COL4A5: variants seen among roughly 807,000 people sequenced by gnomAD.
The protein encoded by COL4A5 is collagen alpha-5(IV) chain.
COL4A5 carries 26 observed loss-of-function variants against 130.2 expected under a neutral mutation model. The observed-to-expected ratio is 0.20, with a 90% CI of 0.15 to 0.28. COL4A5 has a LOEUF of 0.28. Among genes scored for constraint, COL4A5 ranks in the 10% least tolerant of loss-of-function variants. COL4A5 has a pLI of 1.00. For synonymous variants in COL4A5, 496 were observed against 439.6 expected, an observed-to-expected ratio of 1.13 and a Z score of -1.60; for missense variants, 1,131 against 1,344.3, an observed-to-expected ratio of 0.84 and a Z score of 2.48.
Position 108,439,892 on chromosome X carries a change from A to G in COL4A5, c.-234A>G. 1 of 412,892 alleles carries G rather than the reference A, an allele frequency of 2.4e-6. No individual in the cohort carries two copies. The highest frequency in any genetic ancestry group is 4.2e-6 in the Non-Finnish European group (1 of 237,278). 34.0% of individuals were successfully genotyped at this position (412,892 alleles called of 1,213,427 possible). A position where few individuals can be genotyped will look rare whatever the true frequency, so the allele number is the denominator to read the frequency against. The stretch of plus-strand genomic sequence containing the variant: ...TTTGCAAGTCTGGACAGAAGGGAAA[A>G]GTTCTCCTGAGAGACCGGCTTTGGG... On this transcript the variant is annotated 5_prime_UTR_variant, in exon 1 of 53. Transcript: ENST00000328300.
Position 108,444,379 on chromosome X carries a change from C to T in COL4A5, c.81+4173C>T, listed in dbSNP as rs140046417. On this transcript the variant is annotated intron_variant, in intron 1 of 52. Transcript: ENST00000328300. ...GGACTACAGGTGCCAGCCACCATGC[C>T]GGGCTAATTTTTTGCATTTTTAGTA... Among the ~76,000 whole-genome samples the T allele has an allele frequency of 3.9e-3, 436 of 110,527 alleles. 4 individuals carry two copies. The highest frequency in any genetic ancestry group is 0.013 in the African/African-American group (403 of 30,430).
In COL4A5 at chrX:108,597,419, A is replaced by G. The variant is rs1342133917; in HGVS notation, c.1630A>G (p.Lys544Glu). The change falls in exon 24 of 53, where the codon AAA (lysine) becomes GAA (glutamate). Residue 544 changes from lysine to glutamate, a missense_variant. Coordinates refer to ENST00000328300, the MANE Select transcript of COL4A5 (RefSeq NM_033380.3). Reference protein sequence around the residue: ...APGAPGFPGSKGEPGDILTFP... With the variant: ...APGAPGFPGSEGEPGDILTFP... ...AGGTGCTCCAGGCTTTCCTGGATCT[A>G]AAGGTGAACCTGGTGATATCCTCAC... 3 of 1,208,370 alleles carry G rather than the reference A, an allele frequency of 2.5e-6. No individual in the cohort carries two copies. Among genetic ancestry groups the G allele is most frequent in the African/African-American group, 3.5e-5 (2 of 56,706 alleles).
At chrX:108,545,157 A>G (rs1318787988) in intron 2 of COL4A5, among the ~76,000 whole-genome samples, 1 of 111,154 alleles carries the variant, frequency 9.0e-6, no homozygotes, top group Admixed American at 9.6e-5. Context: ...CTAGCTTTTG[A>G]ATGTGTTTGC....
At chrX:108,533,800 A>G (rs1180872014) in intron 1 of COL4A5, among the ~76,000 whole-genome samples, 1 of 111,356 alleles carries the variant, frequency 9.0e-6, no homozygotes, top group African/African-American at 3.3e-5. Flanking sequence ...GGGGACTAAT[A>G]TTGAGAATAC....
At chrX:108,646,588 G>T (rs1026071702) in intron 36 of COL4A5, among the ~76,000 whole-genome samples, 8 of 111,511 alleles carry the variant, frequency 7.2e-5, no homozygotes, top group African/African-American at 2.3e-4. Context: ...AGTTTAATTA[G>T]ATCCCATTTG....
rs2068575627 is a variant in COL4A5 at position 108,687,678 on chromosome X, C to T, written c.4512C>T (p.Ala1504=). ...SLLYVQGNKR[A]HGQDLGTAGS... is the part of the protein sequence containing the mutation. Reference sequence around the variant, plus strand: ...TGTATGTACAAGGAAATAAAAGAGCCCACGGTCAAGACTTGGGTGAGATAA... The same window carrying T: ...TGTATGTACAAGGAAATAAAAGAGCTCACGGTCAAGACTTGGGTGAGATAA... Residue 1504 remains alanine, a synonymous_variant, in exon 49 of 53, where the codon GCC becomes GCT. Transcript: ENST00000328300. The T allele has an allele frequency of 8.3e-7, 1 of 1,208,428 alleles. No homozygotes were observed. Among genetic ancestry groups the T allele is most frequent in the African/African-American group, 1.7e-5 (1 of 57,615 alleles).
intron 1 of COL4A5, among the ~76,000 whole-genome samples, chrX:108,452,440 A>T (rs758004790): frequency 8.9e-6 from 1 of 112,026 alleles, no homozygotes; most frequent in East Asian, 2.8e-4. Flanking sequence ...CACGATATTG[A>T]TTCTTCCTAC....
intron 1 of COL4A5, among the ~76,000 whole-genome samples, chrX:108,484,953 T>C (rs1161029000): frequency 8.9e-6 from 1 of 111,867 alleles, no homozygotes; most frequent in Non-Finnish European, 1.9e-5. Context: ...GAATTAAAAA[T>C]CTTTGCACTC....
chrX:108,654,083 AT>A (rs1368277659), intron 36 of COL4A5, among the ~76,000 whole-genome samples: 1 of 112,516 alleles, frequency 8.9e-6, no homozygotes, highest in Non-Finnish European at 1.9e-5. Flanking sequence ...TCAGTAGGTG[AT>A]GTTGAACACT....
rs771535061 is a variant in COL4A5, at chrX:108,615,012, A to G, written c.2497A>G (p.Ile833Val). ...AGGACCACCAGGGATTCCTGGGCCAATAGGTCAACCTGGTAAGATTAGAGT... is the reference window on the plus strand; with the variant it reads ...AGGACCACCAGGGATTCCTGGGCCAGTAGGTCAACCTGGTAAGATTAGAGT... ...PPGPPGIPGP[I>V]GQPGLHGIPG... The change falls in exon 30 of 53, where the codon ATA (isoleucine) becomes GTA (valine). Residue 833 changes from isoleucine to valine, a missense_variant. Coordinates refer to ENST00000328300, the MANE Select transcript of COL4A5 (RefSeq NM_033380.3). The G allele has an allele frequency of 2.5e-5, 30 of 1,192,734 alleles. No individual in the cohort carries two copies. Among genetic ancestry groups the G allele is most frequent in the Non-Finnish European group, 3.4e-5 (30 of 878,171 alleles).
intron 1 of COL4A5, among the ~76,000 whole-genome samples, chrX:108,466,012 A>G (rs777624143): frequency 8.9e-5 from 10 of 111,914 alleles, no homozygotes; most frequent in African/African-American, 3.2e-4. Context: ...GAAATAATAC[A>G]TTATGTGACA....
At chrX:108,572,828 A>G (rs1292731218) in intron 8 of COL4A5, among the ~76,000 whole-genome samples, 2 of 111,881 alleles carry the variant, frequency 1.8e-5, no homozygotes, top group Non-Finnish European at 3.8e-5. Flanking sequence ...TCTAAGGTAA[A>G]GTCCATAGTT....
intron 1 of COL4A5, among the ~76,000 whole-genome samples, chrX:108,484,608 A>C (rs982885959): frequency 6.2e-5 from 7 of 112,469 alleles, no homozygotes; most frequent in Non-Finnish European, 1.3e-4. Flanking sequence ...TCTCTGGATT[A>C]CCAGGCAGAG....
At chrX:108,682,777 G>T (rs757119525) in intron 47 of COL4A5, among the ~76,000 whole-genome samples, 1 of 111,605 alleles carries the variant, frequency 9.0e-6, no homozygotes, top group Non-Finnish European at 1.9e-5. Context: ...TAAGTTCCTT[G>T]TAGATTCTGG....
At chrX:108,616,044 A>G (rs2066920197) in intron 30 of COL4A5, among the ~76,000 whole-genome samples, 1 of 111,814 alleles carries the variant, frequency 8.9e-6, no homozygotes, top group Non-Finnish European at 1.9e-5. Flanking sequence ...ATACCTTTTT[A>G]TGGTCCCTGA....
chrX:108,554,647 G>A (rs889884941), intron 2 of COL4A5, among the ~76,000 whole-genome samples: 1 of 111,728 alleles, frequency 9.0e-6, no homozygotes, highest in African/African-American at 3.3e-5. Flanking sequence ...GATCGCTTGA[G>A]CCCAGGAGTT....
chrX:108,679,603 A>C (rs1480669848), intron 44 of COL4A5, among the ~76,000 whole-genome samples: 3 of 111,451 alleles, frequency 2.7e-5, no homozygotes, highest in Admixed American at 9.6e-5. Context: ...TTATTTCATA[A>C]TAAGATGCTC....
intron 42 of COL4A5, among the ~76,000 whole-genome samples, chrX:108,673,634 T>G (rs2068247096): frequency 9.1e-6 from 1 of 109,843 alleles, no homozygotes; most frequent in Non-Finnish European, 1.9e-5. Flanking sequence ...ATAGGCTTCA[T>G]ATCTTGGAAA....
chrX:108,670,309 G>T, intron 42 of COL4A5, 73 bp downstream of exon 42: 1 of 1,194,364 alleles, frequency 8.4e-7, no homozygotes, highest in Non-Finnish European at 1.1e-6. Context: ...ATGTTTTCAA[G>T]TGTTTGAATG....
Sources: allele counts gnomAD v4.1 joint callset (sites outside exome capture counted in the v4.1 genomes callset), GRCh38; gene constraint gnomAD v4.1.1; transcripts MANE v1.5; gene names NCBI Gene and HGNC (gene_info 2026-07-23, HGNC 2026-07-21).